WFS1: variants seen among roughly 807,000 people sequenced by gnomAD.
WFS1 encodes wolframin.
Under a neutral mutation model 68.5 loss-of-function variants are expected in WFS1, and 90 were observed. That is an observed-to-expected ratio of 1.31 (90% CI 1.11 to 1.56). The LOEUF (loss-of-function observed/expected upper bound fraction) is 1.56. Ranked by LOEUF, WFS1 falls within the 40% of genes most tolerant of loss-of-function variation. WFS1 has a pLI of 0.00. For missense variants in WFS1, 1,767 were observed against 1,232.6 expected, an observed-to-expected ratio of 1.43 and a Z score of -6.49; for synonymous variants, 860 against 540.7, an observed-to-expected ratio of 1.59 and a Z score of -8.19.
rs769778558 is a variant in WFS1 at position 6,301,796 on chromosome 4, G to A, written c.2001G>A (p.Gln667=). The A allele has an allele frequency of 5.6e-6, 9 of 1,613,352 alleles. No individual in the cohort carries two copies. In the South Asian group the frequency reaches 8.8e-5, roughly 16 times the overall value. The change falls in exon 8 of 8, where the codon CAG becomes CAA. Residue 667 remains glutamine (Q), a synonymous_variant. Transcript: ENST00000226760. ...TCTACAACTCCACACTGACCTGGCAGCAGTATGGTGCGCTGTGCGGGCCAC... is the reference window on the plus strand; with the variant it reads ...TCTACAACTCCACACTGACCTGGCAACAGTATGGTGCGCTGTGCGGGCCAC... ...MKVYNSTLTW[Q]QYGALCGPRA...
At chr4:6,276,702 C>T (rs897129182) in intron 1 of WFS1, among the ~76,000 whole-genome samples, 2 of 152,196 alleles carry the variant, frequency 1.3e-5, no homozygotes, top group African/African-American at 4.8e-5. Context: ...CTAGGGCTTC[C>T]GTAAGAAACT....
intron 7 of WFS1, among the ~76,000 whole-genome samples, 173 bp from the exon 8 acceptor site, chr4:6,300,484 G>A (rs564077383): frequency 6.6e-6 from 1 of 152,192 alleles, no homozygotes; most frequent in East Asian, 1.9e-4. Flanking sequence ...CGAGCATGGG[G>A]AGGGCCACCT....
chr4:6,294,893 C>T (rs537444801), intron 6 of WFS1, 148 bp from the exon 7 acceptor site: 74 of 1,355,172 alleles, frequency 5.5e-5, no homozygotes, highest in Admixed American at 1.2e-4. Flanking sequence ...ACCCTCAGGC[C>T]GCCCAGGGAA....
In WFS1 at chr4:6,301,698, C is replaced by G. The variant is rs765433439; in HGVS notation, c.1903C>G (p.Leu635Val). ...CCTGACGCGGAGCTCCATGGTCAAG[C>G]TCATCCTGGTGTGGCTCACGGCCAT... ...KSLTRSSMVK[L>V]ILVWLTAIVL... Residue 635 changes from leucine to valine, a missense_variant, in exon 8 of 8, where the codon CTC becomes GTC. Physicochemically the swap from Leu to Val is conservative, Grantham distance 32. Coordinates refer to ENST00000226760, the MANE Select transcript of WFS1 (RefSeq NM_006005.3). 18 of 1,614,000 alleles carry G rather than the reference C, an allele frequency of 1.1e-5. No homozygotes were observed. In the South Asian group the frequency reaches 1.9e-4, roughly 17 times the overall value.
Position 6,287,032 on chromosome 4 carries a change from A to T in WFS1, c.233-61A>T, listed in dbSNP as rs554737398. On this transcript the variant is annotated intron_variant, in intron 2 of 7. Transcript: ENST00000226760. This position sits in a 1 kb window ranked among gnomAD's most constrained non-coding sequence, Gnocchi z 6.4. ...AAGACCCTCATGCCTTGTCCCCTCC[A>T]TCCTGACAAGTGACAAAGTCTGGCT... is the stretch of plus-strand genomic sequence containing the variant. The T allele has an allele frequency of 1.0e-5, 15 of 1,468,080 alleles. No individual in the cohort carries two copies. In the African/African-American group the frequency reaches 1.7e-4, roughly 16 times the overall value. 90.9% of individuals were successfully genotyped at this position (1,468,080 alleles called of 1,614,324 possible). A position where few individuals can be genotyped will look rare whatever the true frequency, so the allele number is the denominator to read the frequency against.
rs772527577 is a variant in WFS1 at position 6,301,983 on chromosome 4, T to G, written c.2188T>G (p.Trp730Gly). 6.2e-7 allele frequency: 1 copy of G among 1,612,774 alleles called. No homozygotes were observed. Among genetic ancestry groups the G allele is most frequent in the Non-Finnish European group, 8.5e-7 (1 of 1,179,932 alleles). The change falls in exon 8 of 8, where the codon TGG becomes GGG. Residue 730 changes from tryptophan (W) to glycine (G), a missense_variant. Coordinates refer to ENST00000226760, the MANE Select transcript of WFS1 (RefSeq NM_006005.3). The stretch of plus-strand genomic sequence containing the variant: ...CATGCTCCCGTTCTTCATCGGCGAC[T>G]GGATGCGCTGCCTCTACGGCGAGGC... ...INMLPFFIGDWMRCLYGEAYP... is the reference protein window; with the variant it reads ...INMLPFFIGDGMRCLYGEAYP...
rs1185590827 is a variant in WFS1 at position 6,277,488 on chromosome 4, C to A, written c.33C>A (p.Ser11=). The stretch of plus-strand genomic sequence containing the variant: ...CCAACACTGCTCCGCTGGGCCCCTC[C>A]TGCCCACAGCCCCCGCCAGCACCGC... The part of the protein sequence containing the change: MDSNTAPLGP[S]CPQPPPAPQP... Residue 11 remains serine, a synonymous_variant, in exon 2 of 8, where the codon TCC becomes TCA. Coordinates refer to ENST00000226760, the MANE Select transcript of WFS1 (RefSeq NM_006005.3). 4 of 1,563,104 alleles carry A rather than the reference C, an allele frequency of 2.6e-6. No individual in the cohort carries two copies. In the Admixed American group the frequency reaches 7.6e-5, roughly 30 times the overall value.
chr4:6,274,336 C>T (rs1001474686), intron 1 of WFS1, among the ~76,000 whole-genome samples: 1 of 152,024 alleles, frequency 6.6e-6, no homozygotes, highest in Non-Finnish European at 1.5e-5. Context: ...CGTGAGCCAC[C>T]GCGCCTGGCC....
intron 1 of WFS1, among the ~76,000 whole-genome samples, chr4:6,277,199 C>A (rs566646486): frequency 6.6e-6 from 1 of 152,208 alleles, no homozygotes; most frequent in South Asian, 2.1e-4. Context: ...GACTCCAGGC[C>A]TCGGCATGTG....
At chr4:6,289,264 G>A (rs1288631601) in intron 4 of WFS1, 133 bp downstream of exon 4, 1 of 1,276,724 alleles carries the variant, frequency 7.8e-7, no homozygotes, top group Non-Finnish European at 1.1e-6. Context: ...TTTCTGTTTT[G>A]CTGGTGGCCT....
At chr4:6,279,421 G>T (rs1466575210) in intron 2 of WFS1, among the ~76,000 whole-genome samples, 2 of 152,236 alleles carry the variant, frequency 1.3e-5, no homozygotes, top group African/African-American at 4.8e-5. Context: ...GAGGGCTTAA[G>T]TAGATGACCC....
In WFS1 at chr4:6,301,789, C is replaced by G. The variant is rs138258392; in HGVS notation, c.1994C>G (p.Thr665Ser). ...EGMKVYNSTL[T>S]WQQYGALCGP... ...ATGAAGGTCTACAACTCCACACTGA[C>G]CTGGCAGCAGTATGGTGCGCTGTGC... The change falls in exon 8 of 8, where the codon ACC (threonine) becomes AGC (serine). Residue 665 changes from threonine to serine, a missense_variant. Thr to Ser is a moderately conservative substitution (Grantham distance 58, BLOSUM62 1). Transcript: ENST00000226760. The G allele has an allele frequency of 1.2e-6, 2 of 1,613,452 alleles. No individual in the cohort carries two copies. Among genetic ancestry groups the G allele is most frequent in the South Asian group, 2.2e-5 (2 of 91,086 alleles).
intron 2 of WFS1, among the ~76,000 whole-genome samples, chr4:6,285,370 AGG>A (rs1730285489): frequency 6.7e-6 from 1 of 148,610 alleles, no homozygotes; most frequent in Non-Finnish European, 1.5e-5. Context: ...AGCAGCATCA[AGG>A]GAGAGGGGTG....
At position 6,302,724 on chromosome 4, in the gene WFS1, A is replaced by T; in HGVS notation, c.*256A>T. 1.7e-6 allele frequency: 1 copy of T among 594,340 alleles called. No homozygotes were observed. Among genetic ancestry groups the T allele is most frequent in the Non-Finnish European group, 2.9e-6 (1 of 340,548 alleles). 36.8% of individuals were successfully genotyped at this position (594,340 alleles called of 1,614,324 possible). On this transcript the variant is annotated 3_prime_UTR_variant, in exon 8 of 8. Coordinates refer to ENST00000226760, the MANE Select transcript of WFS1 (RefSeq NM_006005.3). ...ACCCTGAGCCTGACCTTTCTGAGTG[A>T]CATGGGTGTGCCAGGCTAGACTAGG... is the stretch of plus-strand genomic sequence containing the variant.
chr4:6,295,396 A>G (rs1377250064), intron 7 of WFS1, among the ~76,000 whole-genome samples: 1 of 152,096 alleles, frequency 6.6e-6, no homozygotes, highest in Non-Finnish European at 1.5e-5. Context: ...CTGCGCCGTC[A>G]GGCTCAGAAA....
Position 6,295,044 on chromosome 4 carries a change from A to G in WFS1, c.716A>G (p.Lys239Arg), listed in dbSNP as rs727503747. 3.7e-6 allele frequency: 6 copies of G among 1,613,316 alleles called. No homozygotes were observed. The Admixed American group carries it at 1.0e-4, about 27-fold the overall frequency. ...GCTGTTTTCTCTCATGCTTCAGCCA[A>G]GAACTACATCGCGCTGGATGACTTT... The part of the protein sequence containing the change: ...MLERLVSSES[K>R]NYIALDDFVE... The change falls in exon 7 of 8, where the codon AAG becomes AGG. Residue 239 changes from lysine to arginine, a missense_variant. By Grantham distance (26) the Lys-to-Arg change is conservative. Coordinates refer to ENST00000226760, the MANE Select transcript of WFS1 (RefSeq NM_006005.3).
At chr4:6,286,574 A>T (rs1343217133) in intron 2 of WFS1, among the ~76,000 whole-genome samples, 1 of 152,236 alleles carries the variant, frequency 6.6e-6, no homozygotes, top group African/African-American at 2.4e-5. Flanking sequence ...TAAGAAGGAA[A>T]AGGTAATATC....
chr4:6,280,031 C>CGGT (rs1730112178), intron 2 of WFS1, among the ~76,000 whole-genome samples: 2 of 152,024 alleles, frequency 1.3e-5, no homozygotes, highest in East Asian at 3.9e-4. Flanking sequence ...CCACTGCCAA[C>CGGT]GGGTCGGGGC....
chr4:6,279,012 G>C (rs1257332448), intron 2 of WFS1, among the ~76,000 whole-genome samples: 1 of 152,200 alleles, frequency 6.6e-6, no homozygotes, highest in Non-Finnish European at 1.5e-5. Flanking sequence ...TCCAATGTGG[G>C]GGTGGTGAAG....
Sources: gnomAD v4.1 joint callset for allele counts (sites outside exome capture counted in the v4.1 genomes callset) on GRCh38, gnomAD v4.1.1 for gene constraint, Gnocchi (gnomAD v3.1) non-coding constraint, MANE v1.5 for transcripts, NCBI Gene and HGNC (gene_info 2026-07-23, HGNC 2026-07-21) for gene names.